ELMO1: variants seen among roughly 807,000 people sequenced by gnomAD.
ELMO1 encodes engulfment and cell motility protein 1.
Under a neutral mutation model 98.9 loss-of-function variants are expected in ELMO1, and 26 were observed. That is an observed-to-expected ratio of 0.26 (90% confidence interval 0.19 to 0.36). The LOEUF (loss-of-function observed/expected upper bound fraction) is 0.36. Among genes scored for constraint, ELMO1 ranks in the 10% least tolerant of loss-of-function variants. ELMO1 has a pLI of 1.00. For missense variants in ELMO1, 627 were observed against 935.2 expected (o/e 0.67, Z 4.30); for synonymous variants, 346 against 346.0 (o/e 1.00, Z 0.00).
chr7:36,865,342 C>T (rs1802954260), intron 20 of ELMO1, among the ~76,000 whole-genome samples: 1 of 152,162 alleles, frequency 6.6e-6, no homozygotes, highest in African/African-American at 2.4e-5. Flanking sequence ...AGAACTATAG[C>T]TTATTGCTGT....
At chr7:37,148,191 T>C (rs556205611) in intron 13 of ELMO1, among the ~76,000 whole-genome samples, 27 of 152,330 alleles carry the variant, frequency 1.8e-4, no homozygotes, top group African/African-American at 6.5e-4. Context: ...ACAGAAATGA[T>C]ACATTTCATC....
intron 16 of ELMO1, among the ~76,000 whole-genome samples, chr7:36,966,770 CA>C (rs1393345356): frequency 1.3e-5 from 2 of 152,198 alleles, no homozygotes; most frequent in African/African-American, 4.8e-5. Context: ...GACCATAAGA[CA>C]AATTGTTCTT....
chr7:36,857,219 G>T (rs571930225), intron 21 of ELMO1, among the ~76,000 whole-genome samples: 1 of 152,312 alleles, frequency 6.6e-6, no homozygotes, highest in South Asian at 2.1e-4. Context: ...TTAGTGTTAA[G>T]GGATTTCCGG....
At chr7:37,044,588 C>G (rs118151552) in intron 15 of ELMO1, among the ~76,000 whole-genome samples, 75 of 152,256 alleles carry the variant, frequency 4.9e-4, no homozygotes, top group Non-Finnish European at 1.0e-3. Context: ...ATGATGGGTG[C>G]CTGCTTCACT....
At position 37,235,730 on chromosome 7, in the gene ELMO1, C is replaced by T. The variant is rs1794424571; in HGVS notation, c.450-2536G>A. Among the ~76,000 whole-genome samples the T allele has an allele frequency of 2.0e-5, 3 of 152,288 alleles. No individual in the cohort carries two copies. The South Asian group carries it at 6.2e-4, about 32-fold the overall frequency. On this transcript the variant is annotated intron_variant, in intron 7 of 21. Transcript: ENST00000310758. ...GGCGCATCACCTGAGGTCAGGAGTT[C>T]GAGAGCAGCCTGGCCAACGTGGTGA...
intron 16 of ELMO1, among the ~76,000 whole-genome samples, chr7:36,932,186 T>C (rs1309553416): frequency 6.6e-6 from 1 of 152,308 alleles, no homozygotes; most frequent in African/African-American, 2.4e-5. Flanking sequence ...TGTCCACACA[T>C]AGGGAAGGGT....
intron 16 of ELMO1, among the ~76,000 whole-genome samples, chr7:36,956,959 T>C (rs1266200015): frequency 1.3e-5 from 2 of 152,162 alleles, no homozygotes; most frequent in Non-Finnish European, 2.9e-5. Flanking sequence ...CAAAGAAAAA[T>C]ATCATTTCCA....
At chr7:37,272,461 A>C (rs1223258154) in intron 4 of ELMO1, among the ~76,000 whole-genome samples, 1 of 152,238 alleles carries the variant, frequency 6.6e-6, no homozygotes, top group African/African-American at 2.4e-5. Context: ...TGAGGTCAGG[A>C]GTTTGAGACC....
intron 16 of ELMO1, among the ~76,000 whole-genome samples, chr7:36,995,712 C>T (rs1413153264): frequency 6.6e-6 from 1 of 152,150 alleles, no homozygotes; most frequent in African/African-American, 2.4e-5. Context: ...TCAATCCCCA[C>T]TGTTGAATAG....
At chr7:37,196,474 G>T (rs1584794859) in intron 13 of ELMO1, among the ~76,000 whole-genome samples, 2 of 152,310 alleles carry the variant, frequency 1.3e-5, no homozygotes, top group Middle Eastern at 6.8e-3. Flanking sequence ...CCCTTAAGAA[G>T]CAGCAAGTGG....
chr7:37,204,638 C>T (rs939178349), intron 13 of ELMO1, among the ~76,000 whole-genome samples: 6 of 152,180 alleles, frequency 3.9e-5, no homozygotes, highest in African/African-American at 1.2e-4. Flanking sequence ...TCTTTGGCCC[C>T]GCCCATATCC....
intron 16 of ELMO1, among the ~76,000 whole-genome samples, chr7:37,005,256 G>C (rs755053083): frequency 6.6e-6 from 1 of 152,074 alleles, no homozygotes; most frequent in African/African-American, 2.4e-5. Context: ...GCGGGTAGAG[G>C]GTTGGGAGAT....
At chr7:36,880,372 G>C (rs1354100254) in intron 18 of ELMO1, among the ~76,000 whole-genome samples, 1 of 152,294 alleles carries the variant, frequency 6.6e-6, no homozygotes, top group East Asian at 1.9e-4. Flanking sequence ...ACACTCAATT[G>C]ATTTTGAGGG....
At position 37,204,673 on chromosome 7, in the gene ELMO1, A is replaced by T. The variant is rs866981888; in HGVS notation, c.1086+6713T>A. On this transcript the variant is annotated intron_variant, in intron 13 of 21. Coordinates refer to ENST00000310758, the MANE Select transcript of ELMO1 (RefSeq NM_014800.11). Reference sequence around the variant, plus strand: ...CTGCCGATTGGTCCATTTTAAAGAGAGCGCATTGGTCCATTTTACAGAGTG... The same window carrying T: ...CTGCCGATTGGTCCATTTTAAAGAGTGCGCATTGGTCCATTTTACAGAGTG... Among the ~76,000 whole-genome samples the T allele has an allele frequency of 6.6e-5, 10 of 152,144 alleles. No individual in the cohort carries two copies. In the East Asian group the frequency reaches 1.9e-3, roughly 30 times the overall value.
At chr7:37,058,976 A>G (rs1425284638) in intron 15 of ELMO1, among the ~76,000 whole-genome samples, 1 of 152,112 alleles carries the variant, frequency 6.6e-6, no homozygotes, top group Non-Finnish European at 1.5e-5. Context: ...CCCATTAGGC[A>G]CAGTATCGCC....
intron 15 of ELMO1, among the ~76,000 whole-genome samples, chr7:37,080,624 T>TG (rs1797819609): frequency 6.9e-6 from 1 of 144,874 alleles, no homozygotes; most frequent in African/African-American, 2.6e-5. Flanking sequence ...TTTTTTTTTT[T>TG]GTATTTTTAG....
At chr7:37,338,121 T>C (rs752779287) in intron 2 of ELMO1, among the ~76,000 whole-genome samples, 10 of 152,174 alleles carry the variant, frequency 6.6e-5, no homozygotes, top group Non-Finnish European at 1.2e-4. Context: ...AATGGCTGCT[T>C]TTATTGAGGA....
chr7:37,416,410 A>G (rs1804215857), intron 1 of ELMO1, among the ~76,000 whole-genome samples: 1 of 152,216 alleles, frequency 6.6e-6, no homozygotes, highest in East Asian at 1.9e-4. Context: ...AAACTGGGAG[A>G]ATGAGAGGTT....
intron 13 of ELMO1, among the ~76,000 whole-genome samples, chr7:37,202,047 C>G (rs939128747): frequency 3.3e-5 from 5 of 152,204 alleles, no homozygotes; most frequent in African/African-American, 1.2e-4. Flanking sequence ...GTCTGGTGGA[C>G]TGGCTAGGAC....
Sources: allele counts gnomAD v4.1 joint callset (sites outside exome capture counted in the v4.1 genomes callset), GRCh38; gene constraint gnomAD v4.1.1; transcripts MANE v1.5; gene names NCBI Gene and HGNC (gene_info 2026-07-23, HGNC 2026-07-21).